Variants in RCOR1 observed in about 807,000 individuals in gnomAD.
RCOR1 encodes REST corepressor 1.
A neutral mutation model predicts 64.0 loss-of-function variants in RCOR1; 12 were observed. The ratio of observed to expected loss-of-function variants is 0.19; its 90% confidence interval spans 0.12 to 0.30. RCOR1 has a LOEUF of 0.30. Among genes scored for constraint, RCOR1 ranks in the 10% least tolerant of loss-of-function variants. The probability of loss-of-function intolerance (pLI) is 1.00; values close to 1 mark genes in which losing one functional copy is unlikely to be tolerated. For missense variants in RCOR1, 502 were observed against 621.2 expected (o/e 0.81, Z 2.04); for synonymous variants, 279 against 227.2 (o/e 1.23, Z -2.05).
chr14:102,632,156 T>G (rs902694700), intron 2 of RCOR1, among the ~76,000 whole-genome samples: 15 of 151,662 alleles, frequency 9.9e-5, no homozygotes, highest in Admixed American at 5.9e-4. Context: ...AGAAAGAGTT[T>G]AATTTAACAC....
intron 4 of RCOR1, 59 bp downstream of exon 4, chr14:102,701,389 TTA>T: frequency 7.6e-7 from 1 of 1,310,982 alleles, no homozygotes; most frequent in African/African-American, 1.5e-5. Flanking sequence ...AACTAAATAA[TTA>T]TATTTTTTTC....
chr14:102,647,403 G>A (rs1380265332), intron 2 of RCOR1, among the ~76,000 whole-genome samples: 2 of 150,880 alleles, frequency 1.3e-5, no homozygotes, highest in Non-Finnish European at 3.0e-5. Flanking sequence ...TGCACCCTCC[G>A]CCTCCTGGGT....
chr14:102,658,263 C>T (rs1418362395), intron 2 of RCOR1, among the ~76,000 whole-genome samples: 1 of 152,128 alleles, frequency 6.6e-6, no homozygotes, highest in Non-Finnish European at 1.5e-5. Context: ...GTGTGAGCCA[C>T]TGTGCTGGGC....
intron 2 of RCOR1, among the ~76,000 whole-genome samples, chr14:102,653,280 G>C (rs1305533643): frequency 6.6e-6 from 1 of 152,066 alleles, no homozygotes; most frequent in Non-Finnish European, 1.5e-5. Context: ...GTGTAGTGGT[G>C]CAATCTTGCC....
chr14:102,607,188 C>A (rs2403067), intron 2 of RCOR1, among the ~76,000 whole-genome samples: 10 of 151,368 alleles, frequency 6.6e-5, no homozygotes, highest in African/African-American at 9.7e-5. Flanking sequence ...CTGCCTTGGC[C>A]TCCCAAAGTG....
intron 2 of RCOR1, among the ~76,000 whole-genome samples, chr14:102,648,476 A>G (rs529946177): frequency 6.6e-6 from 1 of 152,294 alleles, no homozygotes; most frequent in Admixed American, 6.5e-5. Context: ...TGTTTGTCTA[A>G]GGAGGAGCCA....
chr14:102,621,203 C>T (rs983638317), intron 2 of RCOR1, among the ~76,000 whole-genome samples: 1 of 152,038 alleles, frequency 6.6e-6, no homozygotes, highest in African/African-American at 2.4e-5. Context: ...AACTCCTGGC[C>T]TCAAGTGATC....
intron 2 of RCOR1, among the ~76,000 whole-genome samples, chr14:102,644,342 T>A (rs1304235402): frequency 6.6e-6 from 1 of 152,244 alleles, no homozygotes; most frequent in African/African-American, 2.4e-5. Flanking sequence ...CTAGTCAGCT[T>A]CAAGGGCAGG....
chr14:102,603,852 A>T (rs1057038155), intron 2 of RCOR1, among the ~76,000 whole-genome samples: 3 of 151,836 alleles, frequency 2.0e-5, no homozygotes, highest in African/African-American at 7.3e-5. Context: ...CTGTTTTTCT[A>T]TAGGGTGTTG....
At chr14:102,664,879 A>G (rs1894887150) in intron 2 of RCOR1, among the ~76,000 whole-genome samples, 1 of 152,198 alleles carries the variant, frequency 6.6e-6, no homozygotes, top group Non-Finnish European at 1.5e-5. Context: ...TAAGCATTCG[A>G]CTTAGTATTT....
At chr14:102,691,461 G>A (rs1895532004) in intron 3 of RCOR1, among the ~76,000 whole-genome samples, 1 of 151,978 alleles carries the variant, frequency 6.6e-6, no homozygotes, top group South Asian at 2.1e-4. Flanking sequence ...AAAGTTGAGG[G>A]AAAAAAACAA....
At chr14:102,616,240 G>GTGTGTGTA (rs1555462071) in intron 2 of RCOR1, among the ~76,000 whole-genome samples, 1,806 of 103,178 alleles carry the variant, frequency 0.018, 18 homozygotes, top group East Asian at 0.071. Context: ...GTGTGTGTGT[G>GTGTGTGTA]TGTGTGTGTA....
rs931751550 is a variant in RCOR1 at position 102,729,584 on chromosome 14, G to A, written c.*3078G>A. 5 of 337,926 alleles carry A rather than the reference G, an allele frequency of 1.5e-5. No individual in the cohort carries two copies. The highest frequency in any genetic ancestry group is 4.8e-5 in the Admixed American group (1 of 20,948). The allele number at this position is 337,926 out of a possible 1,614,324, so 20.9% of individuals were successfully genotyped here. A position where few individuals can be genotyped will look rare whatever the true frequency, so the allele number is the denominator to read the frequency against. ...TCAACACACAAAACAAACATGAAAA[G>A]GTAGTTAGTTGGGTTGTAACAGCTT... On this transcript the variant is annotated 3_prime_UTR_variant, in exon 12 of 12. Coordinates refer to ENST00000262241, the MANE Select transcript of RCOR1 (RefSeq NM_015156.4).
At chr14:102,676,601 C>T (rs1325037494) in intron 2 of RCOR1, among the ~76,000 whole-genome samples, 1 of 88,294 alleles carries the variant, frequency 1.1e-5, no homozygotes, top group Non-Finnish European at 2.3e-5. Flanking sequence ...CGCCCCTCAC[C>T]TCCCGGACGG....
chr14:102,685,408 T>C (rs918408194), intron 3 of RCOR1, among the ~76,000 whole-genome samples: 2 of 152,180 alleles, frequency 1.3e-5, no homozygotes, highest in Admixed American at 1.3e-4. Flanking sequence ...TAATCTTAGT[T>C]CTTTTTTTAA....
chr14:102,724,270 C>A, intron 11 of RCOR1, among the ~76,000 whole-genome samples: 1 of 152,122 alleles, frequency 6.6e-6, no homozygotes, highest in East Asian at 1.9e-4. Context: ...GTCCTTATAT[C>A]CCTTTACAAA....
At chr14:102,620,679 G>T (rs570960539) in intron 2 of RCOR1, among the ~76,000 whole-genome samples, 1 of 152,180 alleles carries the variant, frequency 6.6e-6, no homozygotes, top group East Asian at 1.9e-4. Context: ...TCTGATTGTG[G>T]CACTGCACTC....
At chr14:102,602,742 G>C (rs1456601247) in intron 2 of RCOR1, among the ~76,000 whole-genome samples, 1 of 151,836 alleles carries the variant, frequency 6.6e-6, no homozygotes, top group African/African-American at 2.4e-5. Flanking sequence ...ATATCGTTCT[G>C]CCTCTTAGGC....
intron 2 of RCOR1, among the ~76,000 whole-genome samples, chr14:102,594,662 CTT>C (rs879395980): frequency 4.3e-5 from 6 of 140,502 alleles, no homozygotes; most frequent in Non-Finnish European, 6.3e-5. Context: ...CTCCCCAATT[CTT>C]TTTTTTTTTT....
Sources: gnomAD v4.1 joint callset for allele counts (sites outside exome capture counted in the v4.1 genomes callset) on GRCh38, gnomAD v4.1.1 for gene constraint, MANE v1.5 for transcripts, NCBI Gene and HGNC (gene_info 2026-07-23, HGNC 2026-07-21) for gene names.